DMD: variants seen among roughly 807,000 people sequenced by gnomAD.
DMD encodes the protein dystrophin, also known as mutant dystrophin.
A neutral mutation model predicts 330.1 loss-of-function variants in DMD; 63 were observed. That is an observed-to-expected ratio of 0.19 (90% confidence interval 0.16 to 0.24). DMD has a LOEUF of 0.24. Among genes scored for constraint, DMD ranks in the 10% least tolerant of loss-of-function variants. The pLI, the probability that DMD is intolerant of heterozygous loss-of-function variation, is 1.00. For synonymous variants in DMD, 1,223 were observed against 959.8 expected (o/e 1.27, Z -5.07); for missense variants, 3,344 against 2,684.1 (o/e 1.25, Z -5.43).
chrX:32,368,489 G>A (rs1244347787), intron 34 of DMD, among the ~76,000 whole-genome samples: 1 of 111,572 alleles, frequency 9.0e-6, no homozygotes, highest in Non-Finnish European at 1.9e-5. Flanking sequence ...GGCTGCCATA[G>A]AGGAACAGGG....
chrX:32,107,602 C>G (rs758875741), intron 44 of DMD, among the ~76,000 whole-genome samples: 1 of 110,435 alleles, frequency 9.1e-6, no homozygotes, highest in South Asian at 3.9e-4. Context: ...TGAAGGCAGT[C>G]GGGCAGAACG....
At chrX:33,237,143 A>G (rs1174162440) in intron 1 of DMD, among the ~76,000 whole-genome samples, 2 of 109,341 alleles carry the variant, frequency 1.8e-5, no homozygotes, top group Non-Finnish European at 1.9e-5. Flanking sequence ...CAAATAATAT[A>G]AAACGCACGC....
chrX:32,515,157 G>A (rs1436314214), intron 18 of DMD, among the ~76,000 whole-genome samples: 1 of 111,381 alleles, frequency 9.0e-6, no homozygotes, highest in Non-Finnish European at 1.9e-5. Context: ...CGTATGAGTA[G>A]AATAAGTATA....
chrX:31,992,560 G>T (rs1238029971), intron 44 of DMD, among the ~76,000 whole-genome samples: 1 of 111,025 alleles, frequency 9.0e-6, no homozygotes, highest in Non-Finnish European at 1.9e-5. Flanking sequence ...TAAAATAGCT[G>T]CAAAAATATG....
chrX:32,590,893 C>T (rs2054833854), intron 13 of DMD, among the ~76,000 whole-genome samples: 1 of 111,848 alleles, frequency 8.9e-6, no homozygotes, highest in African/African-American at 3.2e-5. Flanking sequence ...CCATGATAAA[C>T]TCCTAAATGT....
chrX:32,157,599 C>G (rs1391734574), intron 44 of DMD, among the ~76,000 whole-genome samples: 1 of 112,395 alleles, frequency 8.9e-6, no homozygotes, highest in Non-Finnish European at 1.9e-5. Context: ...AGTTATCAGG[C>G]TTGGCAGATG....
intron 2 of DMD, 66 bp from the exon 3 acceptor site, chrX:32,849,886 T>C: frequency 2.4e-6 from 2 of 826,656 alleles, no homozygotes; most frequent in South Asian, 2.1e-5. Flanking sequence ...TTCACGATTA[T>C]CCCCTTTTGA....
At chrX:32,394,207 G>A (rs185269255) in intron 30 of DMD, among the ~76,000 whole-genome samples, 2 of 111,762 alleles carry the variant, frequency 1.8e-5, no homozygotes, top group South Asian at 3.7e-4. Context: ...CAGGGCCAAC[G>A]GAAAATATCA....
intron 1 of DMD, among the ~76,000 whole-genome samples, chrX:33,142,687 T>G: frequency 8.9e-6 from 1 of 112,484 alleles, no homozygotes. Context: ...TTAATGGAAT[T>G]AAGTAACCAT....
At chrX:31,183,276 A>G (rs1386753337) in intron 67 of DMD, among the ~76,000 whole-genome samples, 4 of 109,143 alleles carry the variant, frequency 3.7e-5, no homozygotes, top group Non-Finnish European at 7.6e-5. Flanking sequence ...GTGTTTACTG[A>G]TAAAATTTCA....
chrX:33,139,888 A>T (rs1014287150), intron 1 of DMD, among the ~76,000 whole-genome samples: 97 of 109,924 alleles, frequency 8.8e-4, no homozygotes, highest in Middle Eastern at 4.7e-3. Flanking sequence ...AAAAAAAAAA[A>T]AAAAAAAATG....
chrX:31,394,255 C>T (rs1414521624), intron 60 of DMD, among the ~76,000 whole-genome samples: 1 of 112,267 alleles, frequency 8.9e-6, no homozygotes, highest in Non-Finnish European at 1.9e-5. Context: ...GACTACAGCT[C>T]TGATGGAAAG....
intron 55 of DMD, among the ~76,000 whole-genome samples, chrX:31,520,587 T>C (rs181279327): frequency 1.8e-5 from 2 of 111,893 alleles, no homozygotes; most frequent in African/African-American, 6.5e-5. Context: ...AAGCATTCAG[T>C]TCAGTTCAGA....
chrX:31,542,720 G>C (rs186889648), intron 55 of DMD, among the ~76,000 whole-genome samples: 60 of 112,342 alleles, frequency 5.3e-4, no homozygotes, highest in African/African-American at 1.9e-3. Context: ...CCTTCAAGCT[G>C]TGAGAGGATT....
At chrX:32,569,606 C>T (rs1434692389) in intron 15 of DMD, among the ~76,000 whole-genome samples, 15 of 111,507 alleles carry the variant, frequency 1.3e-4, no homozygotes, top group African/African-American at 4.6e-4. Flanking sequence ...TTTTGAGAAG[C>T]ATTGATCCTG....
At chrX:31,723,319 G>T (rs1231066589) in intron 52 of DMD, among the ~76,000 whole-genome samples, 1 of 110,444 alleles carries the variant, frequency 9.1e-6, no homozygotes, top group Non-Finnish European at 1.9e-5. Flanking sequence ...TAAAATCTCA[G>T]TATGGTCATC....
intron 51 of DMD, among the ~76,000 whole-genome samples, chrX:31,756,964 T>C (rs2089155727): frequency 9.3e-6 from 1 of 107,182 alleles, no homozygotes; most frequent in East Asian, 3.0e-4. Flanking sequence ...ATTCTTTTCA[T>C]AGTGATCACT....
At chrX:32,707,146 C>G (rs994276873) in intron 7 of DMD, among the ~76,000 whole-genome samples, 2 of 111,421 alleles carry the variant, frequency 1.8e-5, no homozygotes, top group Admixed American at 9.6e-5. Context: ...AAAATATACT[C>G]CACAAACGTT....
intron 2 of DMD, among the ~76,000 whole-genome samples, chrX:32,950,858 C>G (rs946997525): frequency 9.0e-6 from 1 of 111,640 alleles, no homozygotes; most frequent in Admixed American, 9.6e-5. Flanking sequence ...TTTATAGAGT[C>G]TTTTATGAAC....
Sources: gnomAD v4.1 joint callset for allele counts (sites outside exome capture counted in the v4.1 genomes callset) on GRCh38, gnomAD v4.1.1 for gene constraint, MANE v1.5 for transcripts, NCBI Gene and HGNC (gene_info 2026-07-23, HGNC 2026-07-21) for gene names.